Variants in DLGAP2 observed in about 807,000 individuals in gnomAD.
DLGAP2 encodes DLG associated protein 2.
DLGAP2 carries 26 observed loss-of-function variants against 100.3 expected under a neutral mutation model. The observed-to-expected ratio is 0.26, with a 90% CI of 0.19 to 0.36. The LOEUF (loss-of-function observed/expected upper bound fraction) is 0.36, where lower values mean the gene tolerates loss of function less well. Ranked by LOEUF, DLGAP2 falls within the 10% of genes least tolerant of loss-of-function variation. DLGAP2 has a pLI of 1.00. For missense variants in DLGAP2, 1,858 were observed against 1,453.2 expected (o/e 1.28, Z -4.53); for synonymous variants, 886 against 630.1 (o/e 1.41, Z -6.08).
chr8:930,117 C>G (rs1798921788), intron 2 of DLGAP2, among the ~76,000 whole-genome samples: 2 of 152,140 alleles, frequency 1.3e-5, no homozygotes, highest in Non-Finnish European at 2.9e-5. Context: ...AATTCTGACT[C>G]AGACCTGGCG....
chr8:1,281,501 C>T (rs533038982), intron 3 of DLGAP2, among the ~76,000 whole-genome samples: 2 of 152,298 alleles, frequency 1.3e-5, no homozygotes, highest in South Asian at 2.1e-4. Flanking sequence ...ACATCAGCCC[C>T]GGCGGAGACA....
intron 3 of DLGAP2, among the ~76,000 whole-genome samples, chr8:1,343,202 T>C (rs527788685): frequency 1.3e-5 from 2 of 152,260 alleles, no homozygotes; most frequent in South Asian, 2.1e-4. Flanking sequence ...GGTTATGGTC[T>C]AGCACAGCAA....
chr8:803,666 G>T (rs1240925907), intron 1 of DLGAP2, among the ~76,000 whole-genome samples: 1 of 152,212 alleles, frequency 6.6e-6, no homozygotes, highest in African/African-American at 2.4e-5. Flanking sequence ...TAGAAGCAGG[G>T]CTGCCTCAAT....
chr8:1,358,327 G>T (rs1192872396), intron 3 of DLGAP2, among the ~76,000 whole-genome samples: 3 of 152,136 alleles, frequency 2.0e-5, no homozygotes, highest in African/African-American at 7.2e-5. Context: ...AAATATGTCA[G>T]GTTCAATCGT....
At chr8:1,054,144 T>G (rs1802803619) in intron 2 of DLGAP2, among the ~76,000 whole-genome samples, 1 of 152,012 alleles carries the variant, frequency 6.6e-6, no homozygotes. Flanking sequence ...TATAGATTTT[T>G]CCTCTCCTGG....
chr8:1,218,573 C>T (rs1469874329), intron 2 of DLGAP2, among the ~76,000 whole-genome samples: 1 of 152,056 alleles, frequency 6.6e-6, no homozygotes, highest in African/African-American at 2.4e-5. Context: ...AATGTGATGC[C>T]TCCACCTTTG....
intron 3 of DLGAP2, among the ~76,000 whole-genome samples, chr8:1,282,505 C>T (rs1799837916): frequency 1.5e-5 from 2 of 129,040 alleles, no homozygotes; most frequent in African/African-American, 5.8e-5. Flanking sequence ...GTGAACCATC[C>T]AGACGTGGTG....
chr8:909,467 T>C (rs1798442891), intron 2 of DLGAP2, among the ~76,000 whole-genome samples: 1 of 151,988 alleles, frequency 6.6e-6, no homozygotes, highest in African/African-American at 2.4e-5. Flanking sequence ...TCCTTGTCTT[T>C]TTTTTTTTTG....
chr8:1,561,310 C>T (rs1802150930), intron 5 of DLGAP2, among the ~76,000 whole-genome samples: 2 of 152,092 alleles, frequency 1.3e-5, no homozygotes, highest in African/African-American at 2.4e-5. Context: ...GCATACAATA[C>T]CTCCAATTCC....
intron 1 of DLGAP2, among the ~76,000 whole-genome samples, chr8:779,905 G>A (rs1821641596): frequency 6.6e-6 from 1 of 151,962 alleles, no homozygotes; most frequent in Non-Finnish European, 1.5e-5. Context: ...GTATACTTAT[G>A]GAGTACAGTG....
intron 3 of DLGAP2, among the ~76,000 whole-genome samples, chr8:1,334,187 C>T (rs1801220469): frequency 6.6e-6 from 1 of 152,214 alleles, no homozygotes; most frequent in Non-Finnish European, 1.5e-5. Context: ...GCCTTGAAAG[C>T]AAAGGAAATG....
At chr8:1,635,300 A>G (rs1180145410) in intron 8 of DLGAP2, among the ~76,000 whole-genome samples, 1 of 152,242 alleles carries the variant, frequency 6.6e-6, no homozygotes, top group Non-Finnish European at 1.5e-5. Flanking sequence ...GAAAACTATC[A>G]ACATGTACGG....
chr8:1,282,442 A>T (rs1318449791), intron 3 of DLGAP2, among the ~76,000 whole-genome samples: 3 of 116,590 alleles, frequency 2.6e-5, no homozygotes, highest in Non-Finnish European at 5.4e-5. Context: ...ACATGGTGTG[A>T]CCTGAACCCA....
At position 1,053,726 on chromosome 8, in the gene DLGAP2, C is replaced by G. The variant is rs1028444934; in HGVS notation, c.73+145760C>G. On this transcript the variant is annotated intron_variant, in intron 2 of 14. Transcript: ENST00000637795. ...GGGTGCTAGCAGAATGTTGCCATAA[C>G]AACCAAGCAAGTAACTGTGGCAGGT... Among the ~76,000 whole-genome samples the G allele has an allele frequency of 2.6e-5, 4 of 152,156 alleles. No individual in the cohort carries two copies. In the East Asian group the frequency reaches 7.7e-4, roughly 29 times the overall value.
chr8:1,287,236 T>G (rs1799944766), intron 3 of DLGAP2, among the ~76,000 whole-genome samples: 3 of 124,358 alleles, frequency 2.4e-5, no homozygotes, highest in African/African-American at 6.5e-5. Flanking sequence ...TATGTGGTTT[T>G]GTTAGGAGGG....
chr8:791,225 G>C (rs1254347968), intron 1 of DLGAP2, among the ~76,000 whole-genome samples: 1 of 152,156 alleles, frequency 6.6e-6, no homozygotes, highest in East Asian at 1.9e-4. Flanking sequence ...ACAGATATTT[G>C]ATTACCAGTG....
At chr8:775,407 A>G (rs1229728148) in intron 1 of DLGAP2, among the ~76,000 whole-genome samples, 4 of 147,162 alleles carry the variant, frequency 2.7e-5, no homozygotes, top group African/African-American at 1.0e-4. Context: ...GTGGTGAGAG[A>G]GGGCATCCCT....
intron 6 of DLGAP2, among the ~76,000 whole-genome samples, chr8:1,571,171 G>A (rs1802656613): frequency 8.3e-6 from 1 of 121,020 alleles, no homozygotes; most frequent in Admixed American, 7.9e-5. Flanking sequence ...AGAGGAGAGA[G>A]GGTGAACTGT....
chr8:1,554,832 T>TGTGGCTTATGGGGTGC (rs1801904696), intron 5 of DLGAP2, among the ~76,000 whole-genome samples: 1 of 148,584 alleles, frequency 6.7e-6, no homozygotes, highest in Admixed American at 6.6e-5. Context: ...AGGCTGGCGT[T>TGTGGCTTATGGGGTGC]GTGGCTTATG....
Sources: gnomAD v4.1 joint callset for allele counts (sites outside exome capture counted in the v4.1 genomes callset) on GRCh38, gnomAD v4.1.1 for gene constraint, MANE v1.5 for transcripts, NCBI Gene and HGNC (gene_info 2026-07-23, HGNC 2026-07-21) for gene names.